NALCN: variants seen among roughly 807,000 people sequenced by gnomAD.
The protein encoded by NALCN is sodium leak channel, non-selective.
NALCN carries 111 observed loss-of-function variants against 225.3 expected under a neutral mutation model. That is an observed-to-expected ratio of 0.49 (90% CI 0.42 to 0.58). The LOEUF is 0.58. Among genes scored for constraint, NALCN ranks in the 20% least tolerant of loss-of-function variants. The pLI is 0.00. For synonymous variants in NALCN, 764 were observed against 769.0 expected (o/e 0.99, Z 0.11); for missense variants, 1,378 against 2,202.4 (o/e 0.63, Z 7.49).
chr13:101,384,613 T>C (rs999210045), intron 3 of NALCN, among the ~76,000 whole-genome samples: 1 of 152,194 alleles, frequency 6.6e-6, no homozygotes, highest in Non-Finnish European at 1.5e-5. Context: ...AAAGGATGCA[T>C]GCTACTTTTA....
intron 41 of NALCN, 54 bp from the exon 42 acceptor site, chr13:101,060,021 C>T: frequency 6.3e-7 from 1 of 1,593,478 alleles, no homozygotes; most frequent in Non-Finnish European, 8.6e-7. Flanking sequence ...CCTGCCTGCC[C>T]CACCGCCACA....
At chr13:101,395,957 G>A (rs1368458383) in intron 2 of NALCN, among the ~76,000 whole-genome samples, 2 of 151,894 alleles carry the variant, frequency 1.3e-5, no homozygotes, top group Non-Finnish European at 2.9e-5. Flanking sequence ...GATATATAAT[G>A]CCTTTGTATA....
chr13:101,319,144 C>G (rs2044657829), intron 7 of NALCN, among the ~76,000 whole-genome samples: 1 of 152,066 alleles, frequency 6.6e-6, no homozygotes, highest in Non-Finnish European at 1.5e-5. Context: ...TGTGGATGAG[C>G]CCAGACAAAA....
chr13:101,290,267 G>A (rs1248354660), intron 9 of NALCN, among the ~76,000 whole-genome samples: 8 of 152,080 alleles, frequency 5.3e-5, no homozygotes, highest in Non-Finnish European at 1.5e-5. Flanking sequence ...ATACGTGAGA[G>A]TTACTCCATA....
intron 12 of NALCN, among the ~76,000 whole-genome samples, chr13:101,231,910 T>C (rs1001615171): frequency 6.6e-6 from 1 of 152,122 alleles, no homozygotes; most frequent in Non-Finnish European, 1.5e-5. Flanking sequence ...CCACCCGTCA[T>C]GATCCAGATC....
chr13:101,203,687 C>T (rs1263934644), intron 13 of NALCN, among the ~76,000 whole-genome samples: 1 of 152,114 alleles, frequency 6.6e-6, no homozygotes, highest in Non-Finnish European at 1.5e-5. Context: ...TTCCTTTCAT[C>T]TTTGAAGTAC....
intron 7 of NALCN, among the ~76,000 whole-genome samples, chr13:101,338,399 A>T (rs948460848): frequency 6.6e-6 from 1 of 152,226 alleles, no homozygotes. Context: ...AAAATGCATG[A>T]TAGCGATTTA....
intron 10 of NALCN, among the ~76,000 whole-genome samples, chr13:101,269,757 C>T (rs2042715025): frequency 6.6e-6 from 1 of 152,182 alleles, no homozygotes; most frequent in South Asian, 2.1e-4. Context: ...TATACATGTT[C>T]CAGCAGTAAG....
intron 15 of NALCN, among the ~76,000 whole-genome samples, chr13:101,161,479 C>A (rs1005163824): frequency 5.9e-5 from 9 of 152,214 alleles, no homozygotes; most frequent in African/African-American, 2.2e-4. Context: ...CAACCTATCA[C>A]CAAGTCCCTC....
At chr13:101,135,223 A>G (rs968253002) in intron 17 of NALCN, among the ~76,000 whole-genome samples, 5 of 152,164 alleles carry the variant, frequency 3.3e-5, no homozygotes, top group African/African-American at 1.2e-4. Context: ...AACTATAAAT[A>G]TACGCTAGAT....
intron 7 of NALCN, among the ~76,000 whole-genome samples, chr13:101,316,946 C>T (rs1267336160): frequency 6.6e-6 from 1 of 152,002 alleles, no homozygotes; most frequent in Non-Finnish European, 1.5e-5. Flanking sequence ...TTGTTAAATG[C>T]CTTTTCATTT....
intron 18 of NALCN, among the ~76,000 whole-genome samples, chr13:101,117,342 G>A (rs1459695942): frequency 1.3e-5 from 2 of 152,138 alleles, no homozygotes; most frequent in African/African-American, 2.4e-5. Context: ...CTGCAACCCC[G>A]CATCATTCAC....
chr13:101,291,142 TATGGGA>T (rs2043537872), intron 9 of NALCN, among the ~76,000 whole-genome samples: 1 of 152,196 alleles, frequency 6.6e-6, no homozygotes, highest in Non-Finnish European at 1.5e-5. Context: ...CTATGGAACT[TATGGGA>T]ATCCTTCTGA....
At chr13:101,209,650 GATA>G (rs1195837435) in intron 13 of NALCN, among the ~76,000 whole-genome samples, 1 of 152,136 alleles carries the variant, frequency 6.6e-6, no homozygotes, top group African/African-American at 2.4e-5. Context: ...ATAAGATGAA[GATA>G]ATAATCTTTG....
intron 40 of NALCN, among the ~76,000 whole-genome samples, chr13:101,064,798 C>A (rs1165534703): frequency 6.6e-6 from 1 of 152,148 alleles, no homozygotes; most frequent in East Asian, 1.9e-4. Flanking sequence ...TTGTTTAAAT[C>A]CCTCAGCTTA....
intron 13 of NALCN, among the ~76,000 whole-genome samples, chr13:101,225,771 C>A (rs1412915094): frequency 1.3e-5 from 2 of 152,182 alleles, no homozygotes; most frequent in African/African-American, 4.8e-5. Flanking sequence ...AATACCAAAA[C>A]AACCAAATAC....
intron 39 of NALCN, 42 bp from the exon 40 acceptor site, chr13:101,065,603 G>A (rs975141696): frequency 2.5e-6 from 4 of 1,589,402 alleles, no homozygotes; most frequent in East Asian, 2.2e-5. Flanking sequence ...ATCAGGCCTC[G>A]ATGATTCACT....
intron 22 of NALCN, 128 bp downstream of exon 22, chr13:101,107,359 T>C (rs1594217558): frequency 1.6e-5 from 24 of 1,475,920 alleles, no homozygotes; most frequent in Non-Finnish European, 2.2e-5. Flanking sequence ...AGGAGCAGCA[T>C]GATTAATTAG....
intron 15 of NALCN, among the ~76,000 whole-genome samples, chr13:101,173,028 TGAG>T (rs567003656): frequency 1.9e-3 from 297 of 152,348 alleles, no homozygotes; most frequent in Admixed American, 3.8e-3. Flanking sequence ...TGTAGGCGTC[TGAG>T]GAGGATCATC....
Sources: allele counts gnomAD v4.1 joint callset (sites outside exome capture counted in the v4.1 genomes callset), GRCh38; gene constraint gnomAD v4.1.1; transcripts MANE v1.5; gene names NCBI Gene and HGNC (gene_info 2026-07-23, HGNC 2026-07-21).